Variants in ADAM21 observed in about 807,000 individuals in gnomAD.
ADAM21 encodes ADAM metallopeptidase domain 21, also known as disintegrin and metalloproteinase domain-containing protein 21.
For synonymous variants in ADAM21, 262 were observed against 306.0 expected, an observed-to-expected ratio of 0.86 and a Z score of 1.50; for missense variants, 678 against 874.4, an observed-to-expected ratio of 0.78 and a Z score of 2.83.
chr14:70,456,814 A>G (rs1401467588), intron 1 of ADAM21, among the ~76,000 whole-genome samples: 1 of 152,230 alleles, frequency 6.6e-6, no homozygotes, highest in Non-Finnish European at 1.5e-5. Context: ...AAAATCATAA[A>G]CCCTGCAGTC....
At position 70,459,427 on chromosome 14, in the gene ADAM21, G is replaced by A. The variant is rs113798496; in HGVS notation, c.1928G>A (p.Gly643Glu). The change falls in exon 2 of 2, where the codon GGG (glycine) becomes GAG (glutamate). Residue 643 changes from glycine (G) to glutamate (E), a missense_variant. By Grantham distance (98) the Gly-to-Glu change is moderately conservative (BLOSUM62 -2). Coordinates refer to ENST00000603540, the MANE Select transcript of ADAM21 (RefSeq NM_003813.4). ...VCLPETCNMKGICNNKHHCHC... is the reference protein window; with the variant it reads ...VCLPETCNMKEICNNKHHCHC... ...CTTCCTGAGACCTGCAATATGAAGG[G>A]GATCTGCAATAACAAACATCACTGC... is the stretch of plus-strand genomic sequence containing the variant. 2.5e-5 allele frequency: 40 copies of A among 1,614,224 alleles called. No homozygotes were observed. In the East Asian group the frequency reaches 4.0e-4, roughly 16 times the overall value.
In ADAM21 at chr14:70,459,201, G is replaced by A; in HGVS notation, c.1702G>A (p.Val568Met). 6.2e-7 allele frequency: 1 copy of A among 1,614,048 alleles called. No homozygotes were observed. Residue 568 changes from valine (V) to methionine (M), a missense_variant, in exon 2 of 2, where the codon GTG (valine) becomes ATG (methionine). By Grantham distance (21) the Val-to-Met change is conservative. Transcript: ENST00000603540. ...TTGTGGGAGAGTTCAATGTGAGAAT[G>A]TGAGAGACATTCCTCTTCTCCAAGA... The part of the protein sequence containing the change: ...VFCGRVQCEN[V>M]RDIPLLQDHF...
At chr14:70,457,204 C>A (rs190971062) in intron 1 of ADAM21, 145 bp from the exon 2 acceptor site, 7 of 320,644 alleles carry the variant, frequency 2.2e-5, no homozygotes, top group Middle Eastern at 9.8e-4. Flanking sequence ...TCCTCTATAC[C>A]CCCTAAATCC....
At chr14:70,456,522 C>A (rs1206144811) in intron 1 of ADAM21, among the ~76,000 whole-genome samples, 1 of 152,134 alleles carries the variant, frequency 6.6e-6, no homozygotes, top group Non-Finnish European at 1.5e-5. Flanking sequence ...TTTCGGAAGA[C>A]CTTTAAACTG....
chr14:70,455,456 A>G (rs998478464), intron 1 of ADAM21, among the ~76,000 whole-genome samples: 3 of 152,338 alleles, frequency 2.0e-5, no homozygotes, highest in African/African-American at 7.2e-5. Flanking sequence ...CCAAGTTACA[A>G]TTGCAGAAAA....
At chr14:70,456,442 G>C (rs1458278784) in intron 1 of ADAM21, among the ~76,000 whole-genome samples, 2 of 152,142 alleles carry the variant, frequency 1.3e-5, no homozygotes, top group Non-Finnish European at 2.9e-5. Flanking sequence ...CAAACACTCA[G>C]ACTCTTCCCT....
In ADAM21 at chr14:70,459,557, G is replaced by C. The variant is rs1291103804; in HGVS notation, c.2058G>C (p.Leu686=). 6.2e-7 allele frequency: 1 copy of C among 1,614,198 alleles called. No homozygotes were observed. The highest frequency in any genetic ancestry group is 1.7e-5 in the Admixed American group (1 of 60,018). The part of the protein sequence containing the change: ...ASAKRGVFLP[L]IVIPSLSVLT... ...CAAAGAGAGGAGTTTTTTTGCCGCT[G>C]ATTGTGATTCCTTCTTTGTCTGTTT... The change falls in exon 2 of 2, where the codon CTG becomes CTC. Residue 686 remains leucine, a synonymous_variant. Transcript: ENST00000603540.
At position 70,459,040 on chromosome 14, in the gene ADAM21, G is replaced by A. The variant is rs1882475756; in HGVS notation, c.1541G>A (p.Cys514Tyr). 6.2e-7 allele frequency: 1 copy of A among 1,613,822 alleles called. No homozygotes were observed. Among genetic ancestry groups the A allele is most frequent in the African/African-American group, 1.3e-5 (1 of 74,846 alleles). The change falls in exon 2 of 2, where the codon TGC becomes TAC. Residue 514 changes from cysteine to tyrosine, a missense_variant. Transcript: ENST00000603540. ...AGGTGTAATAACCATGACCAGCATT[G>A]CAGGGAGATTTTTGGTAAAGATGCA... ...QKRCNNHDQH[C>Y]REIFGKDAKS...
intron 1 of ADAM21, among the ~76,000 whole-genome samples, chr14:70,457,133 A>G (rs1321612975): frequency 6.6e-6 from 1 of 152,162 alleles, no homozygotes; most frequent in Non-Finnish European, 1.5e-5. Flanking sequence ...AAAGACTGAG[A>G]TAACTATTTA....
Position 70,459,870 on chromosome 14 carries a change from A to C in ADAM21, c.*202A>C. 1.5e-6 allele frequency: 1 copy of C among 655,716 alleles called. No individual in the cohort carries two copies. Among genetic ancestry groups the C allele is most frequent in the Non-Finnish European group, 2.5e-6 (1 of 398,028 alleles). The allele number at this position is 655,716 out of a possible 1,614,324, so 40.6% of individuals were successfully genotyped here. A position where few individuals can be genotyped will look rare whatever the true frequency, so the allele number is the denominator to read the frequency against. On this transcript the variant is annotated 3_prime_UTR_variant, in exon 2 of 2. Transcript: ENST00000603540. Reference sequence around the variant, plus strand: ...GTTTCTATCTATTGTTTATTGTTTTAAGCAGCAAATAAAGCTACATCCTTC... The same window carrying C: ...GTTTCTATCTATTGTTTATTGTTTTCAGCAGCAAATAAAGCTACATCCTTC...
At chr14:70,452,636 T>G (rs1892283) in intron 1 of ADAM21, among the ~76,000 whole-genome samples, 139,083 of 152,252 alleles carry the variant, frequency 0.91, 64,050 homozygotes, top group Non-Finnish European at 0.97. Context: ...AAAGTGCTGG[T>G]ATTACAGGCG....
rs1391435513 is a variant in ADAM21, at chr14:70,457,590, G to A, written c.91G>A (p.Ala31Thr). The A allele has an allele frequency of 1.2e-6, 2 of 1,613,800 alleles. No homozygotes were observed. The highest frequency in any genetic ancestry group is 1.7e-6 in the Non-Finnish European group (2 of 1,179,900). Reference protein sequence around the residue: ...VFLSISGYCQAGPSQHFTSPE... With the variant: ...VFLSISGYCQTGPSQHFTSPE... ...TTTGTCTATTTCCGGCTACTGTCAG[G>A]CTGGGCCCTCCCAGCATTTCACTTC... Residue 31 changes from alanine (A) to threonine (T), a missense_variant, in exon 2 of 2, where the codon GCT (alanine) becomes ACT (threonine). Transcript: ENST00000603540.
chr14:70,457,322 AAC>A (rs1882427649), intron 1 of ADAM21, 25 bp from the exon 2 acceptor site: 2 of 898,664 alleles, frequency 2.2e-6, no homozygotes, highest in African/African-American at 3.4e-5. Context: ...TCACCTTTCC[AAC>A]CCATCTTTTT....
chr14:70,457,637 G>A lies in ADAM21; in HGVS notation c.138G>A (p.Leu46=), dbSNP rs781442903. 1.2e-6 allele frequency: 2 copies of A among 1,613,822 alleles called. No individual in the cohort carries two copies. The highest frequency in any genetic ancestry group is 1.7e-6 in the Non-Finnish European group (2 of 1,179,928). ...CTTCCCCGGAAGTGGTGATCCCCTT[G>A]AAGGTGATCAGCAGGGGCAGAAGTG... ...HFTSPEVVIP[L]KVISRGRSAK... Residue 46 remains leucine, a synonymous_variant, in exon 2 of 2, where the codon TTG becomes TTA. Transcript: ENST00000603540.
At chr14:70,454,468 G>T (rs2139483227) in intron 1 of ADAM21, among the ~76,000 whole-genome samples, 1 of 152,310 alleles carries the variant, frequency 6.6e-6, no homozygotes, top group South Asian at 2.1e-4. Context: ...TTGAAGGGAT[G>T]AAACTGGTAG....
At position 70,459,677 on chromosome 14, in the gene ADAM21, C is replaced by A; in HGVS notation, c.*9C>A. On this transcript the variant is annotated 3_prime_UTR_variant, in exon 2 of 2. Coordinates refer to ENST00000603540, the MANE Select transcript of ADAM21 (RefSeq NM_003813.4). ...CTCATTCATCAGGTTAAGAAAATGT[C>A]TCTAACTTAATATTCCATGCATTAG... 1 of 1,612,280 alleles carries A rather than the reference C, an allele frequency of 6.2e-7. No homozygotes were observed. The highest frequency in any genetic ancestry group is 1.1e-5 in the South Asian group (1 of 90,904).
rs45466397 is a variant in ADAM21 at position 70,459,146 on chromosome 14, A to G, written c.1647A>G (p.Thr549=). ...RFGHCGINGT[T]YLKCHISDVF... is the part of the protein sequence containing the mutation. The stretch of plus-strand genomic sequence containing the variant: ...GTCACTGTGGTATAAATGGCACAAC[A>G]TACCTAAAATGTCATATCTCTGATG... Residue 549 remains threonine, a synonymous_variant, in exon 2 of 2, where the codon ACA becomes ACG. Transcript: ENST00000603540. 2.5e-6 allele frequency: 4 copies of G among 1,612,896 alleles called. No homozygotes were observed. In the Admixed American group the frequency reaches 6.7e-5, roughly 27 times the overall value.
At chr14:70,454,666 T>A (rs1226697777) in intron 1 of ADAM21, among the ~76,000 whole-genome samples, 1 of 152,158 alleles carries the variant, frequency 6.6e-6, no homozygotes, top group Non-Finnish European at 1.5e-5. Context: ...AAGGTATACA[T>A]TATGACTATG....
In ADAM21 at chr14:70,458,088, C is replaced by T; in HGVS notation, c.589C>T (p.Pro197Ser). Residue 197 changes from proline (P) to serine (S), a missense_variant, in exon 2 of 2, where the codon CCA becomes TCA. Pro to Ser is a moderately conservative substitution (Grantham distance 74). Coordinates refer to ENST00000603540, the MANE Select transcript of ADAM21 (RefSeq NM_003813.4). ...AGAGGCTGAGAACTCAGCTCTGGAA[C>T]CAAAATCTGCTGGTGACTGGTGGAC... The part of the protein sequence containing the change: ...FEEAENSALE[P>S]KSAGDWWTHA... 1 of 1,614,036 alleles carries T rather than the reference C, an allele frequency of 6.2e-7. No individual in the cohort carries two copies. The highest frequency in any genetic ancestry group is 8.5e-7 in the Non-Finnish European group (1 of 1,180,006).
Sources: gnomAD v4.1 joint callset for allele counts (sites outside exome capture counted in the v4.1 genomes callset) on GRCh38, gnomAD v4.1.1 for gene constraint, MANE v1.5 for transcripts, NCBI Gene and HGNC (gene_info 2026-07-23, HGNC 2026-07-21) for gene names.